NEGR1: variants seen among roughly 807,000 people sequenced by gnomAD.
NEGR1 encodes neuronal growth regulator 1.
NEGR1 carries 10 observed loss-of-function variants against 40.9 expected under a neutral mutation model. That is an observed-to-expected ratio of 0.24 (90% CI 0.15 to 0.42). The LOEUF (loss-of-function observed/expected upper bound fraction) is 0.42. NEGR1 is among the 10% of genes least tolerant of loss of function. The pLI, the probability that NEGR1 is intolerant of heterozygous loss-of-function variation, is 1.00. For synonymous variants in NEGR1, 185 were observed against 166.8 expected (o/e 1.11, Z -0.84); for missense variants, 352 against 438.9 (o/e 0.80, Z 1.77).
intron 3 of NEGR1, among the ~76,000 whole-genome samples, chr1:71,741,676 T>C (rs1298490228): frequency 1.3e-5 from 2 of 152,208 alleles, no homozygotes; most frequent in African/African-American, 4.8e-5. Context: ...TATAAAGAAG[T>C]ACCTCAGACT....
chr1:71,815,753 G>C (rs1008674816), intron 2 of NEGR1, among the ~76,000 whole-genome samples: 2 of 151,884 alleles, frequency 1.3e-5, no homozygotes, highest in Non-Finnish European at 2.9e-5. Context: ...CTTCCTTTCA[G>C]GTACAGAGGA....
intron 6 of NEGR1, among the ~76,000 whole-genome samples, chr1:71,501,434 C>T (rs1646998864): frequency 6.6e-6 from 1 of 152,026 alleles, no homozygotes. Flanking sequence ...TGATGATAGA[C>T]CCAAATATCA....
At chr1:72,211,920 C>A (rs1653623482) in intron 1 of NEGR1, among the ~76,000 whole-genome samples, 1 of 151,708 alleles carries the variant, frequency 6.6e-6, no homozygotes, top group Non-Finnish European at 1.5e-5. Context: ...TTTACAAAGG[C>A]TTTTTTCTAA....
chr1:72,270,478 A>G (rs764560835), intron 1 of NEGR1, among the ~76,000 whole-genome samples: 2 of 151,880 alleles, frequency 1.3e-5, no homozygotes, highest in Non-Finnish European at 2.9e-5. Flanking sequence ...AAGGAACCAT[A>G]AGAACATATC....
chr1:71,968,804 T>C (rs1309954761), intron 1 of NEGR1, among the ~76,000 whole-genome samples: 1 of 152,060 alleles, frequency 6.6e-6, no homozygotes, highest in Non-Finnish European at 1.5e-5. Flanking sequence ...AAGTGATTTT[T>C]TTAGATAAAT....
chr1:71,682,882 C>T (rs1230162861), intron 4 of NEGR1, among the ~76,000 whole-genome samples: 1 of 152,150 alleles, frequency 6.6e-6, no homozygotes, highest in Non-Finnish European at 1.5e-5. Flanking sequence ...CTCTTGCTTT[C>T]TTCCTCTTTC....
At chr1:71,745,010 G>GT (rs1655338817) in intron 3 of NEGR1, among the ~76,000 whole-genome samples, 1 of 152,010 alleles carries the variant, frequency 6.6e-6, no homozygotes, top group Non-Finnish European at 1.5e-5. Context: ...TGAACTTTCT[G>GT]TTTTTTCCAT....
chr1:71,850,147 T>G (rs1489179520), intron 2 of NEGR1, among the ~76,000 whole-genome samples: 1 of 150,632 alleles, frequency 6.6e-6, no homozygotes, highest in Non-Finnish European at 1.5e-5. Flanking sequence ...TTTTGTTTGT[T>G]TGTTTGTTTG....
At chr1:72,100,469 G>T (rs1471803679) in intron 1 of NEGR1, among the ~76,000 whole-genome samples, 1 of 152,090 alleles carries the variant, frequency 6.6e-6, no homozygotes, top group Non-Finnish European at 1.5e-5. Flanking sequence ...GTATTAGAAA[G>T]TTCAAAGTTT....
chr1:72,178,277 T>C (rs531688581), intron 1 of NEGR1, among the ~76,000 whole-genome samples: 2 of 152,138 alleles, frequency 1.3e-5, no homozygotes, highest in Non-Finnish European at 2.9e-5. Context: ...TTGTGACCAA[T>C]AGCCAGTTGT....
intron 6 of NEGR1, among the ~76,000 whole-genome samples, chr1:71,571,665 C>T (rs1025384860): frequency 4.6e-5 from 7 of 151,710 alleles, no homozygotes; most frequent in Admixed American, 1.3e-4. Context: ...GGGTGGCATG[C>T]GCCTGTAGTC....
At chr1:72,034,026 A>T (rs2100444002) in intron 1 of NEGR1, among the ~76,000 whole-genome samples, 1 of 152,320 alleles carries the variant, frequency 6.6e-6, no homozygotes, top group Admixed American at 6.5e-5. Context: ...AAGAATTCAT[A>T]TCTCAGTTAC....
intron 4 of NEGR1, among the ~76,000 whole-genome samples, chr1:71,618,258 C>T (rs184166085): frequency 5.3e-5 from 8 of 152,260 alleles, no homozygotes; most frequent in South Asian, 2.1e-4. Flanking sequence ...AATGGATCTG[C>T]GACCCATTTG....
At chr1:71,950,015 A>C (rs1450312269) in intron 1 of NEGR1, among the ~76,000 whole-genome samples, 1 of 152,118 alleles carries the variant, frequency 6.6e-6, no homozygotes, top group Non-Finnish European at 1.5e-5. Flanking sequence ...TACATAAGTT[A>C]ACAAATATTT....
At chr1:72,245,909 A>G (rs1321684374) in intron 1 of NEGR1, among the ~76,000 whole-genome samples, 1 of 152,196 alleles carries the variant, frequency 6.6e-6, no homozygotes, top group African/African-American at 2.4e-5. Context: ...ACTGTATGTG[A>G]CAACTAACTC....
At chr1:71,771,434 A>C (rs1656318372) in intron 3 of NEGR1, among the ~76,000 whole-genome samples, 1 of 152,056 alleles carries the variant, frequency 6.6e-6, no homozygotes, top group Non-Finnish European at 1.5e-5. Context: ...GTACCCCAGA[A>C]CTTAAAGTAT....
chr1:72,281,783 T>G (rs1656262320), intron 1 of NEGR1, among the ~76,000 whole-genome samples: 2 of 145,902 alleles, frequency 1.4e-5, no homozygotes, highest in African/African-American at 5.1e-5. Flanking sequence ...TACAAGGAGG[T>G]GGGGAAAATG....
At chr1:72,226,493 A>G (rs866859943) in intron 1 of NEGR1, among the ~76,000 whole-genome samples, 1 of 152,014 alleles carries the variant, frequency 6.6e-6, no homozygotes, top group Non-Finnish European at 1.5e-5. Flanking sequence ...GAAAATAATT[A>G]TCTTCTCAAT....
At chr1:71,669,354 C>G (rs904084921) in intron 4 of NEGR1, among the ~76,000 whole-genome samples, 1 of 151,824 alleles carries the variant, frequency 6.6e-6, no homozygotes, top group Non-Finnish European at 1.5e-5. Flanking sequence ...GGGTATATAG[C>G]TATCATAATT....
Sources: allele counts gnomAD v4.1 joint callset (sites outside exome capture counted in the v4.1 genomes callset), GRCh38; gene constraint gnomAD v4.1.1; transcripts MANE v1.5; gene names NCBI Gene and HGNC (gene_info 2026-07-23, HGNC 2026-07-21).